Variants in CORO2A observed in about 807,000 individuals in gnomAD.
The protein encoded by CORO2A is coronin-2A.
In CORO2A, 47 loss-of-function variants were observed where a neutral mutation model predicts 62.4. The ratio of observed to expected loss-of-function variants is 0.75; its 90% CI spans 0.60 to 0.96. The LOEUF (loss-of-function observed/expected upper bound fraction) is 0.96. Among genes scored for constraint, CORO2A ranks in the 40% least tolerant of loss-of-function variants. CORO2A has a pLI of 0.00. For synonymous variants in CORO2A, 273 were observed against 268.9 expected, an observed-to-expected ratio of 1.02 and a Z score of -0.15; for missense variants, 610 against 684.1, an observed-to-expected ratio of 0.89 and a Z score of 1.21.
intron 5 of CORO2A, 76 bp downstream of exon 5, chr9:98,132,962 T>C: frequency 1.3e-6 from 2 of 1,532,570 alleles, no homozygotes; most frequent in Admixed American, 1.7e-5. Flanking sequence ...ACTGTCCTGT[T>C]CTCTGAAGCC....
intron 7 of CORO2A, 127 bp from the exon 8 acceptor site, chr9:98,130,017 G>A: frequency 1.5e-6 from 1 of 648,094 alleles, no homozygotes; most frequent in Non-Finnish European, 2.8e-6. Context: ...TCACTCAAGG[G>A]AACACCAGGA....
At chr9:98,189,663 G>A (rs772914866) in intron 1 of CORO2A, among the ~76,000 whole-genome samples, 8 of 151,922 alleles carry the variant, frequency 5.3e-5, no homozygotes, top group South Asian at 2.1e-4. Flanking sequence ...GGAACGGATC[G>A]GCCCAAGGTC....
intron 1 of CORO2A, among the ~76,000 whole-genome samples, chr9:98,163,891 C>T (rs564759740): frequency 1.3e-5 from 2 of 152,060 alleles, no homozygotes; most frequent in Non-Finnish European, 2.9e-5. Context: ...CCAAACTGGG[C>T]GTGGTGCAAA....
intron 2 of CORO2A, among the ~76,000 whole-genome samples, chr9:98,138,808 G>C (rs760613369): frequency 2.6e-5 from 4 of 152,088 alleles, no homozygotes; most frequent in African/African-American, 4.8e-5. Flanking sequence ...CAGCACTTTG[G>C]GGGGCCGAGG....
chr9:98,127,671 G>C (rs1201249914), intron 10 of CORO2A, among the ~76,000 whole-genome samples: 1 of 151,890 alleles, frequency 6.6e-6, no homozygotes, highest in Non-Finnish European at 1.5e-5. Flanking sequence ...AAAATTAGCT[G>C]GGCATGGTGG....
chr9:98,129,556 C>T (rs1392907382), intron 8 of CORO2A, among the ~76,000 whole-genome samples: 1 of 152,204 alleles, frequency 6.6e-6, no homozygotes, highest in Non-Finnish European at 1.5e-5. Flanking sequence ...TCTGCTTCCT[C>T]TTTCAGTTCC....
intron 1 of CORO2A, among the ~76,000 whole-genome samples, chr9:98,160,342 G>A (rs1827866883): frequency 1.3e-5 from 2 of 152,218 alleles, no homozygotes; most frequent in African/African-American, 4.8e-5. Flanking sequence ...CTGAAACGCA[G>A]GAGGAGTTAA....
intron 11 of CORO2A, among the ~76,000 whole-genome samples, chr9:98,125,388 C>T (rs945951950): frequency 4.6e-5 from 7 of 152,272 alleles, no homozygotes; most frequent in East Asian, 3.9e-4. Flanking sequence ...GTGTCCCCAC[C>T]GTACCACCGT....
chr9:98,164,858 GT>G (rs1827937175), intron 1 of CORO2A, among the ~76,000 whole-genome samples: 1 of 152,190 alleles, frequency 6.6e-6, no homozygotes, highest in Non-Finnish European at 1.5e-5. Flanking sequence ...TTGTGGAGGG[GT>G]TCCAGGGAGG....
At chr9:98,161,427 G>A (rs1018250094) in intron 1 of CORO2A, among the ~76,000 whole-genome samples, 4 of 152,078 alleles carry the variant, frequency 2.6e-5, no homozygotes, top group Non-Finnish European at 5.9e-5. Context: ...GGTGGCGCGC[G>A]CCTGTAGTCC....
chr9:98,144,443 C>T (rs1297474580), intron 2 of CORO2A, among the ~76,000 whole-genome samples: 2 of 152,158 alleles, frequency 1.3e-5, no homozygotes, highest in Non-Finnish European at 2.9e-5. Flanking sequence ...GCTGTCCTCA[C>T]ACCATGGTTA....
At chr9:98,185,448 G>C (rs1046935535) in intron 1 of CORO2A, among the ~76,000 whole-genome samples, 5 of 152,246 alleles carry the variant, frequency 3.3e-5, no homozygotes, top group African/African-American at 1.2e-4. Flanking sequence ...GAGCATATCA[G>C]CAGCGGGGTC....
chr9:98,146,353 G>A (rs1040780724), intron 2 of CORO2A, among the ~76,000 whole-genome samples: 12 of 152,118 alleles, frequency 7.9e-5, no homozygotes, highest in African/African-American at 2.7e-4. Context: ...TGCAGGTTGC[G>A]AAACTCACCT....
At chr9:98,173,840 G>T (rs1243459640) in intron 1 of CORO2A, among the ~76,000 whole-genome samples, 1 of 152,186 alleles carries the variant, frequency 6.6e-6, no homozygotes, top group African/African-American at 2.4e-5. Context: ...CTTTGGTCTG[G>T]GTGTGGTGGC....
At chr9:98,147,023 T>C (rs909587734) in intron 2 of CORO2A, among the ~76,000 whole-genome samples, 4 of 152,030 alleles carry the variant, frequency 2.6e-5, no homozygotes, top group African/African-American at 7.2e-5. Context: ...TCCCAGCACT[T>C]TGGGGGGCTG....
intron 2 of CORO2A, among the ~76,000 whole-genome samples, chr9:98,153,430 T>C (rs1262421684): frequency 1.5e-5 from 2 of 136,966 alleles, no homozygotes; most frequent in East Asian, 4.4e-4. Context: ...TTTTAAGAGA[T>C]GGGGTCTTAT....
intron 3 of CORO2A, 129 bp from the exon 4 acceptor site, chr9:98,135,084 T>C: frequency 8.3e-7 from 1 of 1,205,014 alleles, no homozygotes; most frequent in Middle Eastern, 2.9e-4. Flanking sequence ...CACCTCCCAC[T>C]CAGTGGCTAT....
At chr9:98,135,709 G>C (rs961171527) in intron 3 of CORO2A, among the ~76,000 whole-genome samples, 1 of 152,180 alleles carries the variant, frequency 6.6e-6, no homozygotes, top group Admixed American at 6.5e-5. Context: ...CTGGCCCCTA[G>C]TTGATTGTAT....
At chr9:98,128,527 C>T in intron 9 of CORO2A, 80 bp downstream of exon 9, 1 of 1,296,138 alleles carries the variant, frequency 7.7e-7, no homozygotes, top group Non-Finnish European at 1.1e-6. Flanking sequence ...GCTCCAGGCT[C>T]TGGTGCCCGA....
Sources: gnomAD v4.1 joint callset for allele counts (sites outside exome capture counted in the v4.1 genomes callset) on GRCh38, gnomAD v4.1.1 for gene constraint, MANE v1.5 for transcripts, NCBI Gene and HGNC (gene_info 2026-07-23, HGNC 2026-07-21) for gene names.